ZNF133: variants seen among roughly 807,000 people sequenced by gnomAD.
The protein encoded by ZNF133 is zinc finger protein 133.
A neutral mutation model predicts 54.9 loss-of-function variants in ZNF133; 26 were observed. That is an observed-to-expected ratio of 0.47 (90% CI 0.35 to 0.66). The LOEUF (loss-of-function observed/expected upper bound fraction) is 0.66, where lower values mean the gene tolerates loss of function less well. Ranked by LOEUF, ZNF133 falls within the 30% of genes least tolerant of loss-of-function variation. The pLI, the probability that ZNF133 is intolerant of heterozygous loss-of-function variation, is 0.01. For synonymous variants in ZNF133, 298 were observed against 320.3 expected (o/e 0.93, Z 0.74); for missense variants, 653 against 820.8 (o/e 0.80, Z 2.50).
At chr20:18,313,152 T>C (rs1054679620) in intron 6 of ZNF133, 1 of 152,222 alleles carries the variant, frequency 6.6e-6, no homozygotes, top group African/African-American at 2.4e-5. Flanking sequence ...TGGTAATATT[T>C]TGTGTTAAAA....
Position 18,315,860 on chromosome 20 carries a change from C to T in ZNF133, c.1009C>T (p.Gln337Ter), listed in dbSNP as rs1245680617. The change falls in exon 7 of 7, where the codon CAG (glutamine) becomes TAG (stop). Residue 337 changes from glutamine to a stop codon, truncating the protein, a stop_gained. Coordinates refer to ENST00000425686, the MANE Select transcript of ZNF133 (RefSeq NM_001352452.2). LOFTEE classifies it high-confidence loss of function. ...VCRECGKGFS[Q>*]KSAVVRHQRT... ...CCGGGAATGTGGCAAAGGCTTCAGC[C>T]AGAAGTCAGCTGTCGTGAGACACCA... is the stretch of plus-strand genomic sequence containing the variant. 1 of 1,613,100 alleles carries T rather than the reference C, an allele frequency of 6.2e-7. No homozygotes were observed. Among genetic ancestry groups the T allele is most frequent in the Non-Finnish European group, 8.5e-7 (1 of 1,179,348 alleles).
At chr20:18,292,952 A>G (rs1032539522) in intron 1 of ZNF133, among the ~76,000 whole-genome samples, 13 of 152,326 alleles carry the variant, frequency 8.5e-5, no homozygotes, top group African/African-American at 3.1e-4. Flanking sequence ...GAATTGAGAG[A>G]GTTGGCAGAG....
chr20:18,309,897 T>C lies in ZNF133; in HGVS notation c.217+3504T>C, dbSNP rs147643711. Among the ~76,000 whole-genome samples, 122 of 152,312 alleles carry C rather than the reference T, an allele frequency of 8.0e-4. 1 individual carries two copies. Among genetic ancestry groups the C allele is most frequent in the African/African-American group, 2.6e-3 (110 of 41,566 alleles). ...CCTCTCAAGGAACAAGAGAGGTGTC[T>C]AGCCAAGGACATGGAAGGAATGTTG... On this transcript the variant is annotated intron_variant, in intron 6 of 6. Coordinates refer to ENST00000425686, the MANE Select transcript of ZNF133 (RefSeq NM_001352452.2).
intron 1 of ZNF133, among the ~76,000 whole-genome samples, chr20:18,290,412 A>G (rs758468533): frequency 1.3e-5 from 2 of 152,158 alleles, no homozygotes; most frequent in Non-Finnish European, 2.9e-5. Context: ...GAGTTTTGGC[A>G]GCAAATCCCA....
chr20:18,306,254 T>C (rs2044562542), intron 5 of ZNF133, 44 bp from the exon 6 acceptor site: 1 of 1,553,144 alleles, frequency 6.4e-7, no homozygotes, highest in East Asian at 2.3e-5. Context: ...GAATGGGCTC[T>C]TGAGCCCATA....
At chr20:18,312,206 T>C (rs59926713) in intron 6 of ZNF133, among the ~76,000 whole-genome samples, 14,383 of 152,286 alleles carry the variant, frequency 0.094, 915 homozygotes, top group African/African-American at 0.17. Context: ...GTTTTGACTA[T>C]GACCTGTCAC....
At position 18,316,570 on chromosome 20, in the gene ZNF133, G is replaced by A. The variant is rs11553397; in HGVS notation, c.1719G>A (p.Ser573=). 4.5e-4 allele frequency: 728 copies of A among 1,614,036 alleles called. 4 individuals carry two copies. In the African/African-American group the frequency reaches 8.5e-3, roughly 19 times the overall value. Residue 573 remains serine (S), a synonymous_variant, in exon 7 of 7, where the codon TCG becomes TCA. Transcript: ENST00000425686. ...TAATTACACACAAGCGGGCTCACTC[G>A]GAAGAGAAGCCTTGTGTGTGCAGAG... ...SALITHKRAH[S]EEKPCVCREC...
chr20:18,297,514 TTC>T (rs2042476098), intron 1 of ZNF133, among the ~76,000 whole-genome samples: 2 of 152,144 alleles, frequency 1.3e-5, no homozygotes. Flanking sequence ...TAAATTTTTT[TTC>T]TGTCTCACCA....
At chr20:18,297,496 C>T (rs960534786) in intron 1 of ZNF133, among the ~76,000 whole-genome samples, 25 of 151,154 alleles carry the variant, frequency 1.7e-4, no homozygotes, top group African/African-American at 5.3e-4. Context: ...CTTAATGTTA[C>T]GGTTTTTTAA....
chr20:18,291,214 A>G (rs1195904230), intron 1 of ZNF133, among the ~76,000 whole-genome samples: 1 of 151,988 alleles, frequency 6.6e-6, no homozygotes, highest in Admixed American at 6.6e-5. Context: ...CCTCCCATTT[A>G]GAGCTGAACT....
intron 1 of ZNF133, among the ~76,000 whole-genome samples, chr20:18,294,277 G>A (rs1008379468): frequency 1.4e-4 from 22 of 151,976 alleles, no homozygotes; most frequent in Non-Finnish European, 1.9e-4. Context: ...AAAAAACATC[G>A]GACAAACCAA....
intron 6 of ZNF133, 47 bp downstream of exon 6, chr20:18,306,440 A>G (rs779799546): frequency 1.1e-5 from 17 of 1,579,248 alleles, no homozygotes; most frequent in Non-Finnish European, 1.5e-5. Context: ...TCAGCAGCTC[A>G]GAGGACTGGG....
intron 1 of ZNF133, among the ~76,000 whole-genome samples, chr20:18,292,520 C>T (rs1253371439): frequency 2.0e-5 from 3 of 152,210 alleles, no homozygotes; most frequent in Non-Finnish European, 1.5e-5. Context: ...GGGCTCTTCA[C>T]ATCCTTGAGA....
intron 1 of ZNF133, among the ~76,000 whole-genome samples, chr20:18,294,102 C>G (rs1261562568): frequency 6.6e-6 from 1 of 152,094 alleles, no homozygotes; most frequent in Non-Finnish European, 1.5e-5. Flanking sequence ...AGTGACTTTA[C>G]AATGGAGAAG....
At chr20:18,297,454 C>G (rs2042456729) in intron 1 of ZNF133, among the ~76,000 whole-genome samples, 1 of 151,638 alleles carries the variant, frequency 6.6e-6, no homozygotes, top group South Asian at 2.1e-4. Flanking sequence ...ATCTCATATC[C>G]CAAAATGTTT....
At chr20:18,298,239 A>G in intron 2 of ZNF133, 50 bp from the exon 3 acceptor site, 1 of 1,463,760 alleles carries the variant, frequency 6.8e-7, no homozygotes, top group Non-Finnish European at 9.0e-7. Flanking sequence ...AGTAAACTGA[A>G]CAACACACAA....
In ZNF133 at chr20:18,305,903, T is replaced by A. The variant is rs1429610859; in HGVS notation, c.121+96T>A. The A allele has an allele frequency of 6.7e-7, 1 of 1,490,266 alleles. No individual in the cohort carries two copies. The highest frequency in any genetic ancestry group is 1.4e-5 in the African/African-American group (1 of 71,060). The allele number at this position is 1,490,266 out of a possible 1,614,324, so 92.3% of individuals were successfully genotyped here. On this transcript the variant is annotated intron_variant, in intron 5 of 6. Coordinates refer to ENST00000425686, the MANE Select transcript of ZNF133 (RefSeq NM_001352452.2). This position sits in a 1 kb window ranked among gnomAD's most constrained non-coding sequence, Gnocchi z 4.7. ...CTTGCTTTGTTACTTGACCTTTGGG[T>A]TGGACCAAAAAGCAACTACATTTTA...
rs199964032 is a variant in ZNF133 at position 18,311,680 on chromosome 20, AT to A, written c.218-3383del. Among the ~76,000 whole-genome samples, 760 of 152,314 alleles carry A rather than the reference AT, an allele frequency of 5.0e-3. 3 individuals carry two copies. Among genetic ancestry groups the A allele is most frequent in the Non-Finnish European group, 7.2e-3 (491 of 68,024 alleles). On this transcript the variant is annotated intron_variant, in intron 6 of 6. Coordinates refer to ENST00000425686, the MANE Select transcript of ZNF133 (RefSeq NM_001352452.2). ...ACACTTTGTATAGTTTTGTTTTTGA[AT>A]TTTTTAACAAAAATATTTATTCTTA...
chr20:18,310,012 C>G (rs2045512191), intron 6 of ZNF133, among the ~76,000 whole-genome samples: 1 of 152,182 alleles, frequency 6.6e-6, no homozygotes, highest in South Asian at 2.1e-4. Context: ...GCTATACACC[C>G]TGACCTTTGT....
Sources: gnomAD v4.1 joint callset for allele counts (sites outside exome capture counted in the v4.1 genomes callset) on GRCh38, gnomAD v4.1.1 for gene constraint, Gnocchi (gnomAD v3.1) non-coding constraint, MANE v1.5 for transcripts, NCBI Gene and HGNC (gene_info 2026-07-23, HGNC 2026-07-21) for gene names.